The following TMEM67 variants were observed in gnomAD, a reference collection of about 807,000 sequenced individuals.
The protein encoded by TMEM67 is transmembrane protein 67.
Under a neutral mutation model 136.6 loss-of-function variants are expected in TMEM67, and 124 were observed. That is an observed-to-expected ratio of 0.91 (90% confidence interval 0.78 to 1.05). The LOEUF (loss-of-function observed/expected upper bound fraction) is 1.05, where lower values mean the gene tolerates loss of function less well. Ranked by LOEUF, TMEM67 falls within the 50% of genes least tolerant of loss-of-function variation. The probability of loss-of-function intolerance (pLI) is 0.00; values close to 1 mark genes in which losing one functional copy is unlikely to be tolerated. For missense variants in TMEM67, 1,107 were observed against 1,178.4 expected (o/e 0.94, Z 0.89); for synonymous variants, 364 against 390.5 (o/e 0.93, Z 0.80).
chr8:93,823,106 T>G (rs1374190915), downstream of TMEM67, among the ~76,000 whole-genome samples: 1 of 152,184 alleles, frequency 6.6e-6, no homozygotes. Context: ...CTGTAACAAA[T>G]TACCAAAATT....
chr8:93,820,494 A>G (rs753954127), downstream of TMEM67, among the ~76,000 whole-genome samples: 1 of 152,300 alleles, frequency 6.6e-6, no homozygotes, highest in African/African-American at 2.4e-5. Context: ...CCCACTGCCC[A>G]TAAGAGAGGC....
intron 3 of TMEM67, chr8:93,759,444 C>T (rs1290884943): frequency 7.7e-6 from 1 of 130,438 alleles, no homozygotes; most frequent in African/African-American, 3.0e-5. Context: ...GCCTGAGCGA[C>T]AGGGTAAGAC....
rs751614089 is a variant in TMEM67, at chr8:93,809,873, G to T, written c.2750G>T (p.Ser917Ile). 1 of 1,602,722 alleles carries T rather than the reference G, an allele frequency of 6.2e-7. No homozygotes were observed. Among genetic ancestry groups the T allele is most frequent in the Non-Finnish European group, 8.5e-7 (1 of 1,170,434 alleles). Residue 917 changes from serine to isoleucine, a missense_variant, in exon 26 of 28, where the codon AGC (serine) becomes ATC (isoleucine). By Grantham distance (142) the Ser-to-Ile change is moderately radical (BLOSUM62 -2). Around this residue, in one of 3 missense-constraint regions of TMEM67, gnomAD observed 925 missense variants for 1,002.4 expected, o/e 0.92. Transcript: ENST00000453321. ...GAATTCATGGAACCAATGGAAAAAA[G>T]CATCTTTTACAATGGTATCTTCTAA... ...GMEFMEPMEK[S>I]IFYNDEGYSF...
Position 93,809,148 on chromosome 8 carries a change from CCTT to C in TMEM67, c.2650_2652del (p.Phe884del). 2.5e-6 allele frequency: 4 copies of C among 1,569,036 alleles called. No individual in the cohort carries two copies. Among genetic ancestry groups the C allele is most frequent in the Non-Finnish European group, 3.5e-6 (4 of 1,139,918 alleles). ...CATATGATGAATAAATTTCTTGGCT[CCTT>C]CATTGACCATGTATGTATGTCAACA... On this transcript the variant is annotated inframe_deletion, in exon 25 of 28. Coordinates refer to ENST00000453321, the MANE Select transcript of TMEM67 (RefSeq NM_153704.6).
intron 7 of TMEM67, among the ~76,000 whole-genome samples, chr8:93,776,712 G>C (rs898595279): frequency 6.6e-6 from 1 of 152,158 alleles, no homozygotes; most frequent in African/African-American, 2.4e-5. Flanking sequence ...CAGCTTGATC[G>C]TGTTGGATAA....
chr8:93,759,575 A>C (rs1294366482), intron 3 of TMEM67: 1 of 152,572 alleles, frequency 6.6e-6, no homozygotes, highest in African/African-American at 2.4e-5. Flanking sequence ...GATGGAAGAA[A>C]ATACCTCATA....
chr8:93,811,589 G>T (rs1211253285), intron 26 of TMEM67, among the ~76,000 whole-genome samples: 3 of 151,892 alleles, frequency 2.0e-5, no homozygotes, highest in African/African-American at 7.3e-5. Context: ...TGATCACGGA[G>T]GTGTGAAAAG....
chr8:93,814,164 T>G (rs981261674), intron 26 of TMEM67, among the ~76,000 whole-genome samples: 5 of 132,534 alleles, frequency 3.8e-5, no homozygotes, highest in Non-Finnish European at 1.6e-5. Flanking sequence ...TTTTGAGACG[T>G]AGTATTGCTC....
intron 23 of TMEM67, among the ~76,000 whole-genome samples, chr8:93,807,507 G>A (rs1386125918): frequency 6.6e-6 from 1 of 152,038 alleles, no homozygotes; most frequent in African/African-American, 2.4e-5. Context: ...AGGAGTCATT[G>A]TGATCCCAAT....
At chr8:93,780,227 G>A (rs1408322678) in intron 7 of TMEM67, among the ~76,000 whole-genome samples, 1 of 151,934 alleles carries the variant, frequency 6.6e-6, no homozygotes, top group Non-Finnish European at 1.5e-5. Context: ...CATTGGAAAA[G>A]CGCAGTGTTT....
chr8:93,764,387 T>G (rs900775263), intron 4 of TMEM67, among the ~76,000 whole-genome samples: 1 of 152,196 alleles, frequency 6.6e-6, no homozygotes, highest in Non-Finnish European at 1.5e-5. Flanking sequence ...AGCCCTTATG[T>G]ATTATAATGT....
At chr8:93,818,122 C>G (rs564378550), downstream of TMEM67, 1 of 152,280 alleles carries the variant, frequency 6.6e-6, no homozygotes, top group East Asian at 1.9e-4. Context: ...GATTTTCATA[C>G]ACTGTCGACT....
intron 3 of TMEM67, chr8:93,758,830 C>T (rs1194487328): frequency 2.7e-5 from 11 of 414,420 alleles, no homozygotes; most frequent in Non-Finnish European, 3.9e-5. Flanking sequence ...AACTCCTGGC[C>T]TCGAGAGATC....
Position 93,795,950 on chromosome 8 carries a change from G to T in TMEM67, c.1823G>T (p.Arg608Leu), listed in dbSNP as rs146130549. ...CTGCCAATGCCAATTCAGGAAGAACGTTTTGTCACTTATGTTGGATGTGCC... is the reference window on the plus strand; with the variant it reads ...CTGCCAATGCCAATTCAGGAAGAACTTTTTGTCACTTATGTTGGATGTGCC... ...VLLPMPIQEE[R>L]FVTYVGCAFA... Residue 608 changes from arginine to leucine, a missense_variant, in exon 18 of 28, where the codon CGT (arginine) becomes CTT (leucine). This residue lies in a region of TMEM67 where 925 missense variants were observed against 1,002.4 expected (regional missense o/e 0.92). Transcript: ENST00000453321. 1.9e-6 allele frequency: 3 copies of T among 1,613,700 alleles called. No homozygotes were observed. The highest frequency in any genetic ancestry group is 2.5e-6 in the Non-Finnish European group (3 of 1,179,660).
At chr8:93,790,964 C>T (rs1814349122) in intron 14 of TMEM67, among the ~76,000 whole-genome samples, 1 of 152,198 alleles carries the variant, frequency 6.6e-6, no homozygotes, top group Non-Finnish European at 1.5e-5. Flanking sequence ...CAAGTTTAGT[C>T]AAATTCCTCA....
chr8:93,783,579 A>G (rs1484869144), intron 11 of TMEM67, among the ~76,000 whole-genome samples: 1 of 152,208 alleles, frequency 6.6e-6, no homozygotes, highest in African/African-American at 2.4e-5. Flanking sequence ...ATTATGAGCC[A>G]TTCAATACTT....
chr8:93,774,023 A>G (rs1439818923), intron 7 of TMEM67, among the ~76,000 whole-genome samples: 1 of 151,962 alleles, frequency 6.6e-6, no homozygotes, highest in Non-Finnish European at 1.5e-5. Context: ...AGGTTAAAAA[A>G]AATTTTTTTT....
chr8:93,799,848 C>A, intron 21 of TMEM67, 90 bp downstream of exon 21: 1 of 1,071,392 alleles, frequency 9.3e-7, no homozygotes, highest in Non-Finnish European at 1.4e-6. Context: ...ATATTGACCA[C>A]ATCCTTCTTT....
chr8:93,826,353 TCTC>T, the TMEM67 span, among the ~76,000 whole-genome samples: 13 of 151,978 alleles, frequency 8.6e-5, no homozygotes, highest in South Asian at 2.5e-3. Context: ...ATGGTCTTGA[TCTC>T]CTGACCTCAT....
Sources: gnomAD v4.1 joint callset for allele counts (sites outside exome capture counted in the v4.1 genomes callset) on GRCh38, gnomAD v4.1.1 for gene constraint, gnomAD v4.1.1 regional missense constraint, MANE v1.5 for transcripts, NCBI Gene and HGNC (gene_info 2026-07-23, HGNC 2026-07-21) for gene names.